IMMP2L: variants seen among roughly 807,000 people sequenced by gnomAD.
IMMP2L encodes the protein mitochondrial inner membrane protease subunit 2.
IMMP2L carries 18 observed loss-of-function variants against 19.3 expected under a neutral mutation model. The observed-to-expected ratio is 0.93, with a 90% confidence interval of 0.64 to 1.38. The LOEUF (loss-of-function observed/expected upper bound fraction) is 1.38. Ranked by LOEUF, IMMP2L falls within the 40% of genes most tolerant of loss-of-function variation. The pLI is 0.00. For missense variants in IMMP2L, 233 were observed against 218.2 expected (o/e 1.07, Z -0.43); for synonymous variants, 76 against 73.0 (o/e 1.04, Z -0.21).
intron 3 of IMMP2L, among the ~76,000 whole-genome samples, chr7:111,130,494 T>C (rs1586479747): frequency 6.6e-6 from 1 of 152,220 alleles, no homozygotes; most frequent in African/African-American, 2.4e-5. Context: ...AGCTTCTCAT[T>C]AAAATATATG....
intron 3 of IMMP2L, among the ~76,000 whole-genome samples, chr7:111,431,000 G>A (rs1284934892): frequency 3.3e-5 from 5 of 151,666 alleles, no homozygotes; most frequent in South Asian, 4.1e-4. Context: ...CCAGCTACTC[G>A]GGAGGCTGAG....
intron 4 of IMMP2L, among the ~76,000 whole-genome samples, chr7:110,954,855 CAG>C (rs1217024476): frequency 2.0e-5 from 3 of 151,982 alleles, no homozygotes; most frequent in African/African-American, 7.2e-5. Flanking sequence ...AAACCACTGA[CAG>C]GGGTGGGGAG....
At chr7:110,857,960 A>T (rs946328623) in intron 5 of IMMP2L, among the ~76,000 whole-genome samples, 4 of 151,996 alleles carry the variant, frequency 2.6e-5, no homozygotes, top group Non-Finnish European at 5.9e-5. Flanking sequence ...CTGATATTAA[A>T]ACTCTTTTAT....
At chr7:111,418,427 C>CA (rs1350254883) in intron 3 of IMMP2L, among the ~76,000 whole-genome samples, 4 of 151,732 alleles carry the variant, frequency 2.6e-5, no homozygotes, top group Non-Finnish European at 5.9e-5. Context: ...CCAGTCACAT[C>CA]ATTGTCACTG....
intron 3 of IMMP2L, among the ~76,000 whole-genome samples, chr7:111,280,339 C>T (rs1819551325): frequency 6.6e-6 from 1 of 152,158 alleles, no homozygotes; most frequent in African/African-American, 2.4e-5. Context: ...GCTCACATAA[C>T]ATCTCCTCAG....
At chr7:110,786,001 A>G (rs1358101686) in intron 5 of IMMP2L, among the ~76,000 whole-genome samples, 1 of 151,988 alleles carries the variant, frequency 6.6e-6, no homozygotes, top group Non-Finnish European at 1.5e-5. Flanking sequence ...AACCAGGCAT[A>G]TAACAGACAT....
chr7:111,354,414 T>C (rs1584768718), intron 3 of IMMP2L, among the ~76,000 whole-genome samples: 1 of 150,890 alleles, frequency 6.6e-6, no homozygotes, highest in East Asian at 1.9e-4. Context: ...ACAACGAAAA[T>C]AAAGCTCTTG....
At chr7:111,280,388 G>A (rs1160856439) in intron 3 of IMMP2L, among the ~76,000 whole-genome samples, 1 of 152,034 alleles carries the variant, frequency 6.6e-6, no homozygotes, top group African/African-American at 2.4e-5. Flanking sequence ...GGTCTCTTAA[G>A]TTATCCCAAG....
chr7:111,186,346 C>T (rs1808260146), intron 3 of IMMP2L, among the ~76,000 whole-genome samples: 9 of 152,202 alleles, frequency 5.9e-5, no homozygotes, highest in Admixed American at 5.9e-4. Flanking sequence ...CTACTTTGGC[C>T]TTCATTGTTC....
Position 111,160,992 on chromosome 7 carries a change from G to A in IMMP2L, c.240-197427C>T, listed in dbSNP as rs574614646. ...TTATCTGCCAATAAGTTGAAAAAAT[G>A]TCATTAAATAGAAATATCTTTATAA... On this transcript the variant is annotated intron_variant, in intron 3 of 5. Coordinates refer to ENST00000405709, the MANE Select transcript of IMMP2L (RefSeq NM_032549.4). 1.5e-3 allele frequency among the ~76,000 whole-genome samples: 230 copies of A among 151,530 alleles called. 2 individuals carry two copies. Among genetic ancestry groups the A allele is most frequent in the African/African-American group, 5.3e-3 (218 of 41,438 alleles).
At chr7:111,493,730 G>A (rs1230553554) in intron 2 of IMMP2L, among the ~76,000 whole-genome samples, 11 of 139,380 alleles carry the variant, frequency 7.9e-5, no homozygotes, top group African/African-American at 2.2e-4. Flanking sequence ...AACAGTGGCC[G>A]GTCACGGTGG....
chr7:110,682,567 T>TG (rs1373519388), intron 5 of IMMP2L, among the ~76,000 whole-genome samples: 3 of 152,124 alleles, frequency 2.0e-5, no homozygotes, highest in Non-Finnish European at 4.4e-5. Flanking sequence ...AACAAGGTGA[T>TG]GGGGGGATGA....
chr7:111,042,719 G>A (rs78864242), intron 3 of IMMP2L, among the ~76,000 whole-genome samples: 1,944 of 152,240 alleles, frequency 0.013, 13 homozygotes, highest in Non-Finnish European at 0.018. Flanking sequence ...TGCCACAATA[G>A]ATGACTAACA....
At chr7:110,669,301 T>C (rs1346911213) in intron 5 of IMMP2L, among the ~76,000 whole-genome samples, 3 of 151,990 alleles carry the variant, frequency 2.0e-5, no homozygotes, top group Non-Finnish European at 4.4e-5. Flanking sequence ...GCAGGTGAGG[T>C]CTGAAGACGA....
chr7:111,504,961 AACTG>A (rs1312242885), intron 2 of IMMP2L, among the ~76,000 whole-genome samples: 1 of 152,126 alleles, frequency 6.6e-6, no homozygotes, highest in African/African-American at 2.4e-5. Flanking sequence ...CAAAAGCCAA[AACTG>A]ACAAATGGGA....
intron 5 of IMMP2L, among the ~76,000 whole-genome samples, chr7:110,864,747 G>GC (rs1398190820): frequency 6.6e-6 from 1 of 152,000 alleles, no homozygotes; most frequent in African/African-American, 2.4e-5. Context: ...AAATAAACAT[G>GC]CTTTACTTTG....
intron 5 of IMMP2L, among the ~76,000 whole-genome samples, chr7:110,745,372 C>A (rs1022415678): frequency 1.3e-5 from 2 of 152,130 alleles, no homozygotes; most frequent in Admixed American, 1.3e-4. Context: ...CAAGGCAGGC[C>A]AACATTCAAA....
chr7:110,764,070 A>C (rs1798510257), intron 5 of IMMP2L, among the ~76,000 whole-genome samples: 1 of 152,144 alleles, frequency 6.6e-6, no homozygotes, highest in Non-Finnish European at 1.5e-5. Context: ...GAAGCGATAC[A>C]TCCTTGTTTC....
intron 1 of IMMP2L, among the ~76,000 whole-genome samples, chr7:111,560,249 T>C (rs983314710): frequency 4.6e-5 from 7 of 152,284 alleles, no homozygotes; most frequent in African/African-American, 1.7e-4. Flanking sequence ...TTTTTGACTT[T>C]TTATTACTCT....
Sources: gnomAD v4.1 joint callset for allele counts (sites outside exome capture counted in the v4.1 genomes callset) on GRCh38, gnomAD v4.1.1 for gene constraint, MANE v1.5 for transcripts, NCBI Gene and HGNC (gene_info 2026-07-23, HGNC 2026-07-21) for gene names.